Variants in ZFHX3 observed in about 807,000 individuals in gnomAD.
ZFHX3 encodes zinc finger homeobox protein 3.
In ZFHX3, 42 loss-of-function variants were observed where a neutral mutation model predicts 279.1. The ratio of observed to expected loss-of-function variants is 0.15; its 90% CI spans 0.12 to 0.19. The LOEUF (loss-of-function observed/expected upper bound fraction) is 0.19, where lower values mean the gene tolerates loss of function less well. Ranked by LOEUF, ZFHX3 falls within the 10% of genes least tolerant of loss-of-function variation. The pLI is 1.00. For missense variants in ZFHX3, 4,981 were observed against 4,754.0 expected (o/e 1.05, Z -1.40); for synonymous variants, 2,293 against 1,957.8 (o/e 1.17, Z -4.52).
chr16:73,152,019 G>C (rs1966956024), intron 5 of ZFHX3, among the ~76,000 whole-genome samples: 1 of 148,384 alleles, frequency 6.7e-6, no homozygotes, highest in South Asian at 2.2e-4. Flanking sequence ...TTACTGAGAA[G>C]CCACTCTGTG....
chr16:73,058,694 G>A, exon 1 of ZFHX3: 1 of 212,398 alleles, frequency 4.7e-6, no homozygotes, highest in Non-Finnish European at 8.9e-6. Context: ...AGGACGCGCT[G>A]CTGGCGGCGG....
chr16:73,179,633 G>A (rs1049616055), intron 5 of ZFHX3, among the ~76,000 whole-genome samples: 1 of 152,186 alleles, frequency 6.6e-6, no homozygotes, highest in African/African-American at 2.4e-5. Flanking sequence ...GGGAAAGAGG[G>A]TCTCCCTGCT....
upstream of ZFHX3, among the ~76,000 whole-genome samples, chr16:73,050,971 A>G (rs796922713): frequency 1.9e-4 from 29 of 152,290 alleles, no homozygotes; most frequent in African/African-American, 7.0e-4. Context: ...GTAAATTACA[A>G]TGATTCTACC....
At chr16:72,887,037 C>T (rs1159148086) in intron 4 of ZFHX3, among the ~76,000 whole-genome samples, 4 of 152,234 alleles carry the variant, frequency 2.6e-5, no homozygotes, top group African/African-American at 7.2e-5. Context: ...ACAGCCCTTT[C>T]CTGAACAAAC....
rs1202960789 is a variant in ZFHX3 at position 73,714,338 on chromosome 16, T to C, written c.-1607-34098A>G. On this transcript the variant is annotated intron_variant, in intron 1 of 17. Transcript: ENST00000641206. ...AGCTGCTTCCAGCAGGGGGCAGATG[T>C]CAGACAACATTTCCCTTGGAAAGGA... Among the ~76,000 whole-genome samples the C allele has an allele frequency of 2.0e-5, 3 of 152,150 alleles. No homozygotes were observed. In the East Asian group the frequency reaches 5.8e-4, roughly 29 times the overall value.
At chr16:73,570,661 A>G (rs1307777873) in intron 2 of ZFHX3, among the ~76,000 whole-genome samples, 1 of 152,170 alleles carries the variant, frequency 6.6e-6, no homozygotes, top group Non-Finnish European at 1.5e-5. Flanking sequence ...AAAGAAAAAA[A>G]TCTAGTTTAT....
At chr16:73,529,631 C>T (rs1395248605) in intron 2 of ZFHX3, among the ~76,000 whole-genome samples, 1 of 152,140 alleles carries the variant, frequency 6.6e-6, no homozygotes, top group South Asian at 2.1e-4. Context: ...GGAAAATATC[C>T]GTCAGAATCT....
chr16:72,792,152 A>T (rs2035729232), intron 9 of ZFHX3, among the ~76,000 whole-genome samples: 1 of 152,198 alleles, frequency 6.6e-6, no homozygotes, highest in Non-Finnish European at 1.5e-5. Flanking sequence ...AGAGAAGGAG[A>T]AACAAGAGAA....
intron 5 of ZFHX3, among the ~76,000 whole-genome samples, chr16:73,249,598 A>C (rs945952278): frequency 6.6e-6 from 1 of 152,190 alleles, no homozygotes; most frequent in African/African-American, 2.4e-5. Flanking sequence ...TCCCTCCTAC[A>C]ACACATGGGA....
At chr16:72,837,650 G>C (rs2037230578) in intron 4 of ZFHX3, among the ~76,000 whole-genome samples, 1 of 136,602 alleles carries the variant, frequency 7.3e-6, no homozygotes, top group African/African-American at 3.7e-5. Context: ...ATTTTTAGTA[G>C]GGATGGGGTC....
chr16:72,827,012 A>C (rs1366308861), intron 5 of ZFHX3, among the ~76,000 whole-genome samples: 6 of 152,222 alleles, frequency 3.9e-5, no homozygotes, highest in Non-Finnish European at 7.3e-5. Context: ...TGGAAGGATT[A>C]GAGAGGCACA....
At chr16:73,691,169 G>A (rs1303899483) in intron 1 of ZFHX3, among the ~76,000 whole-genome samples, 3 of 152,008 alleles carry the variant, frequency 2.0e-5, no homozygotes, top group Non-Finnish European at 4.4e-5. Flanking sequence ...ATATAAGTTC[G>A]CCAATCAAAA....
intron 3 of ZFHX3, among the ~76,000 whole-genome samples, chr16:73,414,732 T>G (rs12446670): frequency 0.89 from 135,495 of 152,154 alleles, 60,568 homozygotes; most frequent in African/African-American, 0.97. Context: ...CAGCTGCTTG[T>G]GAGGCTGAGG....
intron 2 of ZFHX3, among the ~76,000 whole-genome samples, chr16:73,488,047 AG>A (rs1344605256): frequency 2.6e-5 from 4 of 152,242 alleles, no homozygotes; most frequent in African/African-American, 9.6e-5. Flanking sequence ...CCTGCAGAGC[AG>A]TGAGCAACTG....
At chr16:73,254,002 T>C (rs919875543) in intron 5 of ZFHX3, among the ~76,000 whole-genome samples, 2 of 152,152 alleles carry the variant, frequency 1.3e-5, no homozygotes, top group African/African-American at 2.4e-5. Flanking sequence ...GCAGAGCTGA[T>C]TGGCAGCCTG....
At chr16:73,757,234 G>A (rs569036682) in intron 1 of ZFHX3, among the ~76,000 whole-genome samples, 1 of 152,248 alleles carries the variant, frequency 6.6e-6, no homozygotes, top group South Asian at 2.1e-4. Flanking sequence ...GCAGAAGTCT[G>A]TCTATTTCAC....
At chr16:73,260,516 T>C (rs1458895441) in intron 4 of ZFHX3, among the ~76,000 whole-genome samples, 1 of 152,082 alleles carries the variant, frequency 6.6e-6, no homozygotes, top group African/African-American at 2.4e-5. Context: ...CATTTTTCCG[T>C]GAGCATTTCC....
At chr16:73,075,185 A>C (rs1169293493) in intron 8 of ZFHX3, among the ~76,000 whole-genome samples, 2 of 152,188 alleles carry the variant, frequency 1.3e-5, no homozygotes, top group Non-Finnish European at 2.9e-5. Context: ...GTGGTGGCTC[A>C]TGCCTGTAAT....
chr16:72,797,280 T>C lies in ZFHX3; in HGVS notation c.5402A>G (p.Tyr1801Cys), dbSNP rs763102489. 1.6e-5 allele frequency: 25 copies of C among 1,610,268 alleles called. No homozygotes were observed. Among genetic ancestry groups the C allele is most frequent in the Admixed American group, 3.3e-5 (2 of 59,784 alleles). Reference protein sequence around the residue: ...QQQQHLLFPFYIPSAEFQLNP... With the variant: ...QQQQHLLFPFCIPSAEFQLNP... The stretch of plus-strand genomic sequence containing the variant: ...AAGCTGGAACTCAGCACTGGGGATG[T>C]AGAAAGGGAAGAGGAGGTGCTGCTG... The change falls in exon 9 of 10, where the codon TAC becomes TGC. Residue 1801 changes from tyrosine (Y) to cysteine (C), a missense_variant. Tyr to Cys is a radical substitution (Grantham distance 194, BLOSUM62 -2). Coordinates refer to ENST00000268489, the MANE Select transcript of ZFHX3 (RefSeq NM_006885.4).
Sources: allele counts gnomAD v4.1 joint callset (sites outside exome capture counted in the v4.1 genomes callset), GRCh38; gene constraint gnomAD v4.1.1; transcripts MANE v1.5; gene names NCBI Gene and HGNC (gene_info 2026-07-23, HGNC 2026-07-21).